Variants in CDH18 observed in about 807,000 individuals in gnomAD.
CDH18 encodes the protein cadherin-18.
CDH18 carries 31 observed loss-of-function variants against 67.9 expected under a neutral mutation model. The ratio of observed to expected loss-of-function variants is 0.46; its 90% CI spans 0.34 to 0.62. The LOEUF is 0.62. CDH18 is among the 20% of genes least tolerant of loss of function. CDH18 has a pLI of 0.01. For missense variants in CDH18, 890 were observed against 975.5 expected, an observed-to-expected ratio of 0.91 and a Z score of 1.17; for synonymous variants, 362 against 347.2, an observed-to-expected ratio of 1.04 and a Z score of -0.48.
intron 1 of CDH18, among the ~76,000 whole-genome samples, chr5:20,267,005 T>G (rs13164886): frequency 0.38 from 58,493 of 151,970 alleles, 13,565 homozygotes; most frequent in Middle Eastern, 0.58. Flanking sequence ...CTACTGAATG[T>G]ATAAATGTGC....
At chr5:19,475,862 TC>T (rs1292817187) in intron 12 of CDH18, among the ~76,000 whole-genome samples, 2 of 151,920 alleles carry the variant, frequency 1.3e-5, no homozygotes, top group African/African-American at 4.8e-5. Context: ...GAACATACTT[TC>T]CCCCCAGAAA....
Position 19,471,998 on chromosome 5 carries a change from T to C in CDH18, c.*1228A>G, listed in dbSNP as rs985849923. On this transcript the variant is annotated 3_prime_UTR_variant, in exon 13 of 13. Transcript: ENST00000382275. ...GTCATTGCCATCTCTACTTTGTGGTTTGGACCCTGAACACAGAGACTTTCG... is the reference window on the plus strand; with the variant it reads ...GTCATTGCCATCTCTACTTTGTGGTCTGGACCCTGAACACAGAGACTTTCG... 9.9e-5 allele frequency among the ~76,000 whole-genome samples: 15 copies of C among 152,280 alleles called. No individual in the cohort carries two copies. In the East Asian group the frequency reaches 2.9e-3, roughly 29 times the overall value.
chr5:20,503,606 AAGG>A (rs1408196674), intron 1 of CDH18, among the ~76,000 whole-genome samples: 2 of 152,208 alleles, frequency 1.3e-5, no homozygotes, highest in East Asian at 3.9e-4. Context: ...GGGGCAATAG[AAGG>A]AGATGAATAG....
chr5:20,018,642 T>C (rs552801770), intron 2 of CDH18, among the ~76,000 whole-genome samples: 5 of 152,310 alleles, frequency 3.3e-5, no homozygotes, highest in African/African-American at 1.2e-4. Flanking sequence ...AATAATTCTT[T>C]AAGGTTATAG....
chr5:19,663,011 G>A (rs1757401430), intron 5 of CDH18, among the ~76,000 whole-genome samples: 1 of 151,992 alleles, frequency 6.6e-6, no homozygotes, highest in Admixed American at 6.6e-5. Context: ...TAAGAGATGA[G>A]AAAACGTCAC....
intron 2 of CDH18, among the ~76,000 whole-genome samples, chr5:20,053,204 A>G (rs1741589565): frequency 6.6e-6 from 1 of 151,670 alleles, no homozygotes; most frequent in South Asian, 2.1e-4. Flanking sequence ...TATCTATCTT[A>G]TACATATAAA....
intron 10 of CDH18, among the ~76,000 whole-genome samples, chr5:19,511,947 C>A (rs1745192557): frequency 6.6e-6 from 1 of 152,124 alleles, no homozygotes; most frequent in Non-Finnish European, 1.5e-5. Flanking sequence ...TCAGAGGTGT[C>A]CTCGGCAGCC....
At chr5:19,537,559 T>C (rs1454216435) in intron 9 of CDH18, among the ~76,000 whole-genome samples, 1 of 152,098 alleles carries the variant, frequency 6.6e-6, no homozygotes, top group Non-Finnish European at 1.5e-5. Context: ...CAGAAGAGAA[T>C]ATGCAGGGCA....
intron 5 of CDH18, among the ~76,000 whole-genome samples, chr5:19,698,047 G>C: frequency 6.6e-6 from 1 of 152,082 alleles, no homozygotes; most frequent in Non-Finnish European, 1.5e-5. Context: ...CTCAACCTCA[G>C]ATAAATTCTA....
At chr5:19,566,029 A>G (rs954487265) in intron 8 of CDH18, among the ~76,000 whole-genome samples, 3 of 152,188 alleles carry the variant, frequency 2.0e-5, no homozygotes, top group African/African-American at 7.2e-5. Flanking sequence ...ATAGAAAAAA[A>G]AAATCTAATA....
At chr5:19,814,614 T>A in intron 3 of CDH18, among the ~76,000 whole-genome samples, 1 of 152,156 alleles carries the variant, frequency 6.6e-6, no homozygotes, top group East Asian at 1.9e-4. Context: ...TTTGCACTTG[T>A]AGGTCCTTTT....
intron 5 of CDH18, among the ~76,000 whole-genome samples, chr5:19,640,594 AT>A (rs1163860648): frequency 6.6e-6 from 1 of 152,080 alleles, no homozygotes; most frequent in Non-Finnish European, 1.5e-5. Context: ...TTGAACAACT[AT>A]TCGGTTAAAA....
intron 2 of CDH18, among the ~76,000 whole-genome samples, chr5:20,031,810 T>C (rs889425056): frequency 6.6e-6 from 1 of 152,086 alleles, no homozygotes; most frequent in African/African-American, 2.4e-5. Flanking sequence ...CAATTGACAC[T>C]TAAAGATGAG....
At position 19,526,420 on chromosome 5, in the gene CDH18, T is replaced by A. The variant is rs575721900; in HGVS notation, c.1391-5642A>T. ...CAAGTGGAAGCTGTATGCTACAATA[T>A]GTAGAAGATCTTTTATAACTTGAGA... On this transcript the variant is annotated intron_variant, in intron 9 of 12. Transcript: ENST00000382275. Among the ~76,000 whole-genome samples, 6 of 152,232 alleles carry A rather than the reference T, an allele frequency of 3.9e-5. No homozygotes were observed. The East Asian group carries it at 9.6e-4, about 24-fold the overall frequency.
intron 1 of CDH18, among the ~76,000 whole-genome samples, chr5:20,331,056 A>G (rs1478122777): frequency 1.3e-5 from 2 of 152,190 alleles, no homozygotes; most frequent in African/African-American, 2.4e-5. Flanking sequence ...AGTGCATTTC[A>G]TGAGAAAGTA....
chr5:20,097,996 G>T (rs1490505256), intron 2 of CDH18, among the ~76,000 whole-genome samples: 1 of 151,886 alleles, frequency 6.6e-6, no homozygotes, highest in East Asian at 1.9e-4. Context: ...ATTTCTTCAT[G>T]TAGGTTCTGT....
intron 2 of CDH18, among the ~76,000 whole-genome samples, chr5:19,899,471 T>A (rs549702695): frequency 1.3e-5 from 2 of 152,078 alleles, no homozygotes; most frequent in Non-Finnish European, 2.9e-5. Flanking sequence ...TTGGCAAATA[T>A]GTCAATAAGT....
intron 2 of CDH18, among the ~76,000 whole-genome samples, chr5:20,129,709 C>T (rs1251218029): frequency 1.3e-5 from 2 of 152,012 alleles, no homozygotes; most frequent in African/African-American, 2.4e-5. Flanking sequence ...AGAGATTACT[C>T]ATGAAGAACA....
intron 10 of CDH18, among the ~76,000 whole-genome samples, chr5:19,507,500 C>G (rs1415438776): frequency 2.0e-5 from 3 of 152,094 alleles, no homozygotes; most frequent in Non-Finnish European, 2.9e-5. Context: ...GACTTGGAAC[C>G]AACCCAAATG....
Sources: gnomAD v4.1 joint callset for allele counts (sites outside exome capture counted in the v4.1 genomes callset) on GRCh38, gnomAD v4.1.1 for gene constraint, MANE v1.5 for transcripts, NCBI Gene and HGNC (gene_info 2026-07-23, HGNC 2026-07-21) for gene names.